ADGRL3: variants seen among roughly 807,000 people sequenced by gnomAD.
ADGRL3 encodes calcium-independent alpha-latrotoxin receptor 3.
ADGRL3 carries 62 observed loss-of-function variants against 153.5 expected under a neutral mutation model. The observed-to-expected ratio is 0.40, with a 90% CI of 0.33 to 0.50. ADGRL3 has a LOEUF of 0.50. Among genes scored for constraint, ADGRL3 ranks in the 20% least tolerant of loss-of-function variants. The probability of loss-of-function intolerance (pLI) is 0.47; values close to 1 mark genes in which losing one functional copy is unlikely to be tolerated. For missense variants in ADGRL3, 1,641 were observed against 1,859.4 expected (o/e 0.88, Z 2.16); for synonymous variants, 710 against 672.5 (o/e 1.06, Z -0.86).
chr4:61,830,570 G>A (rs1194495206), intron 9 of ADGRL3, among the ~76,000 whole-genome samples: 3 of 152,112 alleles, frequency 2.0e-5, no homozygotes, highest in African/African-American at 7.2e-5. Flanking sequence ...GAGATGTCTA[G>A]CCTATTTTCT....
chr4:61,856,445 TCC>T lies in ADGRL3; in HGVS notation c.1481-36210_1481-36209del, dbSNP rs796491208. ...TTCCTTCCTTCCTTCCTTCCTTCCT[TCC>T]TTTTTTCTTTTCTTTTCTTTTCTTT... On this transcript the variant is annotated intron_variant, in intron 9 of 26. Coordinates refer to ENST00000683033, the MANE Select transcript of ADGRL3 (RefSeq NM_001387552.1). Among the ~76,000 whole-genome samples the T allele has an allele frequency of 2.7e-3, 402 of 148,832 alleles. 1 individual carries two copies. The highest frequency in any genetic ancestry group is 9.5e-3 in the African/African-American group (378 of 39,870).
intron 5 of ADGRL3, among the ~76,000 whole-genome samples, chr4:61,589,889 A>C (rs1476236799): frequency 6.6e-6 from 1 of 152,076 alleles, no homozygotes; most frequent in Non-Finnish European, 1.5e-5. Context: ...GTAACTCTTG[A>C]TTTCCATATT....
chr4:61,438,715 T>C (rs1320807635), intron 2 of ADGRL3, among the ~76,000 whole-genome samples: 9 of 149,912 alleles, frequency 6.0e-5, no homozygotes, highest in Non-Finnish European at 1.2e-4. Flanking sequence ...TCTTTCTTTT[T>C]TTTTTTTTTT....
intron 4 of ADGRL3, among the ~76,000 whole-genome samples, chr4:61,527,236 A>G (rs2098570792): frequency 1.3e-5 from 2 of 152,054 alleles, no homozygotes; most frequent in South Asian, 4.1e-4. Flanking sequence ...CATTCTGTCC[A>G]TCTAATGCTT....
intron 6 of ADGRL3, among the ~76,000 whole-genome samples, chr4:61,714,229 A>ACACACACACGCACACACG (rs1434172407): frequency 6.6e-6 from 1 of 152,114 alleles, no homozygotes; most frequent in Non-Finnish European, 1.5e-5. Context: ...ACGCACACAC[A>ACACACACACGCACACACG]CACACAATTA....
intron 6 of ADGRL3, among the ~76,000 whole-genome samples, chr4:61,706,774 A>G (rs115046023): frequency 1.2e-3 from 177 of 152,294 alleles, no homozygotes; most frequent in African/African-American, 4.0e-3. Flanking sequence ...CTTTTTCCAT[A>G]TCGGCAATAA....
At chr4:61,685,680 A>G (rs73217664) in intron 6 of ADGRL3, among the ~76,000 whole-genome samples, 2,435 of 152,194 alleles carry the variant, frequency 0.016, 60 homozygotes, top group African/African-American at 0.055. Context: ...GATGAGGTAG[A>G]TAGATTTAGA....
At chr4:61,571,472 C>G (rs2098838567) in intron 4 of ADGRL3, among the ~76,000 whole-genome samples, 1 of 152,000 alleles carries the variant, frequency 6.6e-6, no homozygotes, top group Non-Finnish European at 1.5e-5. Context: ...ATGATTGCAC[C>G]ATGGCACTCC....
At chr4:61,840,325 CTG>C (rs1440343151) in intron 9 of ADGRL3, among the ~76,000 whole-genome samples, 3 of 152,310 alleles carry the variant, frequency 2.0e-5, no homozygotes, top group Admixed American at 2.0e-4. Context: ...AGTGATTCAC[CTG>C]CCTCAGCCTC....
intron 8 of ADGRL3, among the ~76,000 whole-genome samples, chr4:61,753,723 G>A (rs76790463): frequency 0.087 from 13,284 of 152,150 alleles, 1,233 homozygotes; most frequent in African/African-American, 0.24. Context: ...ATTCTCTATA[G>A]TTACTTCCAA....
intron 5 of ADGRL3, among the ~76,000 whole-genome samples, chr4:61,594,688 C>A (rs1474808196): frequency 1.3e-5 from 2 of 152,166 alleles, no homozygotes; most frequent in African/African-American, 4.8e-5. Context: ...ACCACCATCA[C>A]TGGGACTGTG....
At chr4:61,244,377 C>G (rs1045083625) in intron 1 of ADGRL3, among the ~76,000 whole-genome samples, 13 of 151,898 alleles carry the variant, frequency 8.6e-5, no homozygotes, top group Non-Finnish European at 4.4e-5. Context: ...AGTTGCAGAA[C>G]TGAATTTTCT....
intron 6 of ADGRL3, among the ~76,000 whole-genome samples, chr4:61,721,651 A>G (rs1342213791): frequency 6.6e-6 from 1 of 152,192 alleles, no homozygotes; most frequent in Admixed American, 6.5e-5. Flanking sequence ...AATCAAGTTG[A>G]CACTCAGTGC....
chr4:61,968,407 T>G (rs2099014554), intron 17 of ADGRL3, among the ~76,000 whole-genome samples: 2 of 152,168 alleles, frequency 1.3e-5, no homozygotes. Context: ...TAGAGAAACA[T>G]CATTTACATT....
intron 24 of ADGRL3, among the ~76,000 whole-genome samples, chr4:62,041,435 TATA>T (rs1395832487): frequency 1.3e-5 from 2 of 152,062 alleles, no homozygotes; most frequent in Non-Finnish European, 2.9e-5. Context: ...CTTTTTATTA[TATA>T]ATATTTGAAA....
intron 9 of ADGRL3, among the ~76,000 whole-genome samples, chr4:61,871,833 T>C (rs556503446): frequency 6.6e-6 from 1 of 152,334 alleles, no homozygotes; most frequent in East Asian, 1.9e-4. Flanking sequence ...CATATTCTTT[T>C]CTCTTGCTAT....
At chr4:61,490,804 C>A (rs1378228229) in intron 2 of ADGRL3, among the ~76,000 whole-genome samples, 1 of 151,788 alleles carries the variant, frequency 6.6e-6, no homozygotes, top group East Asian at 1.9e-4. Flanking sequence ...ATGGGAGGAC[C>A]CAAACTAATG....
chr4:61,728,933 C>T (rs926823088), intron 6 of ADGRL3, among the ~76,000 whole-genome samples: 3 of 151,790 alleles, frequency 2.0e-5, no homozygotes, highest in East Asian at 1.9e-4. Context: ...TTAGCCTATT[C>T]GAGACATACA....
intron 8 of ADGRL3, among the ~76,000 whole-genome samples, chr4:61,761,803 C>A (rs1362764785): frequency 6.6e-6 from 1 of 152,102 alleles, no homozygotes; most frequent in South Asian, 2.1e-4. Flanking sequence ...GTGGCACATA[C>A]CTATAGTGTC....
Sources: allele counts gnomAD v4.1 joint callset (sites outside exome capture counted in the v4.1 genomes callset), GRCh38; gene constraint gnomAD v4.1.1; transcripts MANE v1.5; gene names NCBI Gene and HGNC (gene_info 2026-07-23, HGNC 2026-07-21).